The following COX16 variants were observed in gnomAD, a reference collection of about 807,000 sequenced individuals.
COX16 encodes cytochrome c oxidase assembly factor COX16.
Under a neutral mutation model 15.4 loss-of-function variants are expected in COX16, and 12 were observed. The ratio of observed to expected loss-of-function variants is 0.78; its 90% CI spans 0.50 to 1.26. The LOEUF is 1.26. COX16 is among the 50% of genes most tolerant of loss of function. COX16 has a pLI of 0.00. For synonymous variants in COX16, 46 were observed against 41.1 expected, an observed-to-expected ratio of 1.12 and a Z score of -0.46; for missense variants, 124 against 127.6, an observed-to-expected ratio of 0.97 and a Z score of 0.14.
At chr14:70,335,238 AATAC>A (rs2140699194) in intron 2 of COX16, among the ~76,000 whole-genome samples, 1 of 152,314 alleles carries the variant, frequency 6.6e-6, no homozygotes, top group South Asian at 2.1e-4. Context: ...GACAGACTGC[AATAC>A]ATAATATTGG....
intron 3 of COX16, 28 bp downstream of exon 3, chr14:70,329,144 TAA>T: frequency 4.4e-6 from 7 of 1,582,308 alleles, no homozygotes; most frequent in Non-Finnish European, 6.0e-6. Context: ...CTGATTGTTA[TAA>T]GACAGAGACT....
intron 1 of COX16, among the ~76,000 whole-genome samples, chr14:70,358,941 T>G (rs1485277338): frequency 6.6e-6 from 1 of 152,180 alleles, no homozygotes; most frequent in Non-Finnish European, 1.5e-5. Flanking sequence ...ACAGCAATCA[T>G]TCTGGCTACA....
At chr14:70,327,267 A>G (rs1886111532) in intron 3 of COX16, among the ~76,000 whole-genome samples, 1 of 152,156 alleles carries the variant, frequency 6.6e-6, no homozygotes, top group African/African-American at 2.4e-5. Context: ...AACTAGCTAT[A>G]TAACCTTTGG....
At chr14:70,339,719 C>T (rs964047291) in intron 2 of COX16, among the ~76,000 whole-genome samples, 1 of 152,168 alleles carries the variant, frequency 6.6e-6, no homozygotes, top group Non-Finnish European at 1.5e-5. Flanking sequence ...ATTACCTCAT[C>T]CTCTCTACCT....
intron 1 of COX16, among the ~76,000 whole-genome samples, chr14:70,355,504 C>G (rs144585701): frequency 6.6e-6 from 1 of 152,120 alleles, no homozygotes; most frequent in Non-Finnish European, 1.5e-5. Flanking sequence ...TGATCAAGCA[C>G]GAATCCCAGT....
intron 2 of COX16, among the ~76,000 whole-genome samples, chr14:70,332,035 G>T (rs1190882968): frequency 6.6e-6 from 1 of 152,230 alleles, no homozygotes; most frequent in East Asian, 1.9e-4. Flanking sequence ...CTAAGTTCAA[G>T]CCTGGAAACA....
At chr14:70,331,289 A>T (rs1566597162) in intron 2 of COX16, among the ~76,000 whole-genome samples, 1 of 152,172 alleles carries the variant, frequency 6.6e-6, no homozygotes, top group Non-Finnish European at 1.5e-5. Context: ...TACAGGTGTG[A>T]GCCACGGCAC....
In COX16 at chr14:70,329,059, T is replaced by TGATA. The variant is rs927642911; in HGVS notation, c.204+114_204+115insTATC. On this transcript the variant is annotated intron_variant, in intron 3 of 3. Coordinates refer to ENST00000389912, the MANE Select transcript of COX16 (RefSeq NM_016468.7). ...TATTTGCTTTTCAAATGATTATAGT[T>TGATA]TATCAAATACCATATATATTCAACG... 6.4e-5 allele frequency: 49 copies of TGATA among 770,532 alleles called. No homozygotes were observed. The African/African-American group carries it at 8.3e-4, about 13-fold the overall frequency. The allele number at this position is 770,532 out of a possible 1,614,324, so 47.7% of individuals were successfully genotyped here.
chr14:70,335,878 G>A (rs188719978), intron 2 of COX16, among the ~76,000 whole-genome samples: 2 of 152,222 alleles, frequency 1.3e-5, no homozygotes, highest in Admixed American at 6.5e-5. Context: ...TAATTCCACT[G>A]ATATAAAATT....
At chr14:70,354,199 T>C (rs1170868048) in intron 1 of COX16, among the ~76,000 whole-genome samples, 2 of 151,892 alleles carry the variant, frequency 1.3e-5, no homozygotes, top group Non-Finnish European at 2.9e-5. Flanking sequence ...GACAAATAAA[T>C]GAAATAAAAA....
Position 70,330,095 on chromosome 14 carries a change from ACAT to A in COX16, c.142-862_142-860del, listed in dbSNP as rs1407353967. On this transcript the variant is annotated intron_variant, in intron 2 of 3. Transcript: ENST00000389912. ...AGCAATGAGTCCTCAGACTGAAAGA[ACAT>A]CATAAGAAATAAGCACAACAAAACA... Among the ~76,000 whole-genome samples, 4 of 152,264 alleles carry A rather than the reference ACAT, an allele frequency of 2.6e-5. No homozygotes were observed. The East Asian group carries it at 5.8e-4, about 22-fold the overall frequency.
chr14:70,357,220 T>G (rs1292782968), intron 1 of COX16, among the ~76,000 whole-genome samples: 2 of 146,764 alleles, frequency 1.4e-5, no homozygotes, highest in Admixed American at 6.8e-5. Context: ...ACATTATGAC[T>G]GTCTGATGTG....
intron 1 of COX16, among the ~76,000 whole-genome samples, chr14:70,353,268 AAAG>A (rs1443579827): frequency 2.5e-4 from 37 of 150,210 alleles, no homozygotes; most frequent in African/African-American, 8.8e-4. Context: ...AAAAAAAAAA[AAAG>A]AAAGAAAAAG....
chr14:70,337,241 T>C (rs1886483388), intron 2 of COX16, among the ~76,000 whole-genome samples: 1 of 152,160 alleles, frequency 6.6e-6, no homozygotes, highest in African/African-American at 2.4e-5. Context: ...GAGTATCAAT[T>C]TAAAGCCATG....
rs528625959 is a variant in COX16 at position 70,343,009 on chromosome 14, G to C, written c.70-280C>G. On this transcript the variant is annotated intron_variant, in intron 1 of 3. Coordinates refer to ENST00000389912, the MANE Select transcript of COX16 (RefSeq NM_016468.7). ...CATCATAACAAGCATTGTATTATCT[G>C]ACTCTTACAATAGACCTATTTTTGT... Among the ~76,000 whole-genome samples the C allele has an allele frequency of 4.6e-5, 7 of 152,148 alleles. No homozygotes were observed. The South Asian group carries it at 1.5e-3, about 32-fold the overall frequency.
intron 2 of COX16, among the ~76,000 whole-genome samples, chr14:70,338,708 C>CACAG (rs2140708769): frequency 6.6e-6 from 1 of 152,312 alleles, no homozygotes; most frequent in Non-Finnish European, 1.5e-5. Flanking sequence ...GTATGGTATA[C>CACAG]ACAAGCTAAC....
chr14:70,346,209 G>T (rs779353753), intron 1 of COX16, among the ~76,000 whole-genome samples: 1 of 152,188 alleles, frequency 6.6e-6, no homozygotes, highest in African/African-American at 2.4e-5. Context: ...GAAGCTTGAT[G>T]ATGGCCCTCA....
chr14:70,328,556 CCTCGT>C (rs1232834087), intron 3 of COX16, among the ~76,000 whole-genome samples: 2 of 152,104 alleles, frequency 1.3e-5, no homozygotes, highest in East Asian at 3.9e-4. Flanking sequence ...AAAAGTGATA[CCTCGT>C]TAGACTTTGA....
intron 1 of COX16, among the ~76,000 whole-genome samples, chr14:70,343,633 C>T (rs1181377869): frequency 1.3e-5 from 2 of 152,194 alleles, no homozygotes; most frequent in East Asian, 3.8e-4. Context: ...ATACAGGTCA[C>T]AGGTAAAGAA....
Sources: allele counts gnomAD v4.1 joint callset (sites outside exome capture counted in the v4.1 genomes callset), GRCh38; gene constraint gnomAD v4.1.1; transcripts MANE v1.5; gene names NCBI Gene and HGNC (gene_info 2026-07-23, HGNC 2026-07-21).